Variants in LRRC14 observed in about 807,000 individuals in gnomAD.
LRRC14 encodes leucine-rich repeat-containing protein 14.
Under a neutral mutation model 25.3 loss-of-function variants are expected in LRRC14, and 16 were observed. The ratio of observed to expected loss-of-function variants is 0.63; its 90% CI spans 0.43 to 0.96. The LOEUF is 0.96. LRRC14 is among the 40% of genes least tolerant of loss of function. The probability of loss-of-function intolerance (pLI) is 0.00; values close to 1 mark genes in which losing one functional copy is unlikely to be tolerated. For synonymous variants in LRRC14, 359 were observed against 295.1 expected, an observed-to-expected ratio of 1.22 and a Z score of -2.22; for missense variants, 594 against 660.5, an observed-to-expected ratio of 0.90 and a Z score of 1.10.
At position 144,522,468 on chromosome 8, in the gene LRRC14, C is replaced by T; in HGVS notation, c.*990C>T. 3 of 1,419,470 alleles carry T rather than the reference C, an allele frequency of 2.1e-6. No homozygotes were observed. The highest frequency in any genetic ancestry group is 3.0e-5 in the South Asian group (2 of 66,220). The allele number at this position is 1,419,470 out of a possible 1,614,324, so 87.9% of individuals were successfully genotyped here. ...CCGGCGCCCACGTCATCCGCGCGCC[C>T]GCGGCCCTAGCAGTGGATCTCGTAG... is the stretch of plus-strand genomic sequence containing the variant. On this transcript the variant is annotated 3_prime_UTR_variant, in exon 4 of 4. Coordinates refer to ENST00000292524, the MANE Select transcript of LRRC14 (RefSeq NM_014665.4).
At position 144,523,947 on chromosome 8, in the gene LRRC14, C is replaced by A; in HGVS notation, c.*2469C>A. 1.2e-6 allele frequency: 1 copy of A among 802,100 alleles called. No individual in the cohort carries two copies. Among genetic ancestry groups the A allele is most frequent in the African/African-American group, 1.7e-5 (1 of 58,476 alleles). The allele number at this position is 802,100 out of a possible 1,614,324, so 49.7% of individuals were successfully genotyped here. ...AGGCAGGGTGCCTGAGCTGTATTCC[C>A]CAGCACACCCACTCCCGCAGCCCTC... On this transcript the variant is annotated 3_prime_UTR_variant, in exon 4 of 4. Coordinates refer to ENST00000292524, the MANE Select transcript of LRRC14 (RefSeq NM_014665.4).
In LRRC14 at chr8:144,519,679, T is replaced by C; in HGVS notation, c.-47T>C. 1 of 1,523,132 alleles carries C rather than the reference T, an allele frequency of 6.6e-7. No individual in the cohort carries two copies. Among genetic ancestry groups the C allele is most frequent in the Non-Finnish European group, 8.9e-7 (1 of 1,124,398 alleles). The allele number at this position is 1,523,132 out of a possible 1,614,324, so 94.4% of individuals were successfully genotyped here. On this transcript the variant is annotated 5_prime_UTR_variant, in exon 2 of 4. Coordinates refer to ENST00000292524, the MANE Select transcript of LRRC14 (RefSeq NM_014665.4). Reference sequence around the variant, plus strand: ...GTAGTGGCCTAGGGTCTCTCCTCCCTGCTGAAGTCCCTCTCCTGCAGGTGG... The same window carrying C: ...GTAGTGGCCTAGGGTCTCTCCTCCCCGCTGAAGTCCCTCTCCTGCAGGTGG...
chr8:144,524,459 G>A lies in LRRC14; in HGVS notation c.*2981G>A. Reference sequence around the variant, plus strand: ...CGCTCACCGGCAGGTGCAAGAAGGTGAAATCCAGCAGCCGCGCCAGCTGGT... The same window carrying A: ...CGCTCACCGGCAGGTGCAAGAAGGTAAAATCCAGCAGCCGCGCCAGCTGGT... On this transcript the variant is annotated 3_prime_UTR_variant, in exon 4 of 4. Coordinates refer to ENST00000292524, the MANE Select transcript of LRRC14 (RefSeq NM_014665.4). 2 of 1,597,950 alleles carry A rather than the reference G, an allele frequency of 1.3e-6. No individual in the cohort carries two copies. The highest frequency in any genetic ancestry group is 2.2e-5 in the East Asian group (1 of 44,872).
At position 144,521,730 on chromosome 8, in the gene LRRC14, T is replaced by G; in HGVS notation, c.*252T>G. ...GCTGGATGTCAGGCCTCCATTGCCC[T>G]GCTCAGTTTGGCTGCATTTGGCTGC... On this transcript the variant is annotated 3_prime_UTR_variant, in exon 4 of 4. Coordinates refer to ENST00000292524, the MANE Select transcript of LRRC14 (RefSeq NM_014665.4). 1.9e-6 allele frequency: 1 copy of G among 519,796 alleles called. No homozygotes were observed. The highest frequency in any genetic ancestry group is 3.4e-6 in the Non-Finnish European group (1 of 291,724). 32.2% of individuals were successfully genotyped at this position (519,796 alleles called of 1,614,324 possible).
rs1172906598 is a variant in LRRC14, at chr8:144,519,899, G to C, written c.174G>C (p.Leu58=). The change falls in exon 2 of 4, where the codon CTG becomes CTC. Residue 58 remains leucine (L), a synonymous_variant. Coordinates refer to ENST00000292524, the MANE Select transcript of LRRC14 (RefSeq NM_014665.4). ...TGGTACACACGTGGCCCTTCCCGCT[G>C]CTCAGTTTCCAGCAGCTGCTACAGG... ...RELVHTWPFP[L]LSFQQLLQEC... 1 of 1,613,444 alleles carries C rather than the reference G, an allele frequency of 6.2e-7. No individual in the cohort carries two copies. Among genetic ancestry groups the C allele is most frequent in the South Asian group, 1.1e-5 (1 of 91,088 alleles).
chr8:144,521,621 CA>C lies in LRRC14; in HGVS notation c.*145del. 1.2e-6 allele frequency: 1 copy of C among 800,050 alleles called. No individual in the cohort carries two copies. Among genetic ancestry groups the C allele is most frequent in the Non-Finnish European group, 1.9e-6 (1 of 519,526 alleles). The allele number at this position is 800,050 out of a possible 1,614,324, so 49.6% of individuals were successfully genotyped here. ...GTCTACCTTGCTTCTGGGCACACCT[CA>C]AGCCTCCCCTGCTTTCTGCAGTGCC... is the stretch of plus-strand genomic sequence containing the variant. On this transcript the variant is annotated 3_prime_UTR_variant, in exon 4 of 4. Transcript: ENST00000292524.
chr8:144,519,354 T>G (rs539821215), intron 1 of LRRC14: 1 of 324,808 alleles, frequency 3.1e-6, no homozygotes, highest in African/African-American at 2.1e-5. Context: ...GTGAAGCAGC[T>G]TTGTAATTTG....
In LRRC14 at chr8:144,523,724, C is replaced by G. The variant is rs1275026099; in HGVS notation, c.*2246C>G. 1 of 416,518 alleles carries G rather than the reference C, an allele frequency of 2.4e-6. No individual in the cohort carries two copies. The highest frequency in any genetic ancestry group is 4.0e-5 in the Admixed American group (1 of 24,886). 25.8% of individuals were successfully genotyped at this position (416,518 alleles called of 1,614,324 possible). A position where few individuals can be genotyped will look rare whatever the true frequency, so the allele number is the denominator to read the frequency against. ...CTGTTTTTAGGAACCTGGGCGTCCA[C>G]ATAGACATCTCACCAGCACTGAAAC... On this transcript the variant is annotated 3_prime_UTR_variant, in exon 4 of 4. Transcript: ENST00000292524.
At position 144,522,792 on chromosome 8, in the gene LRRC14, C is replaced by T; in HGVS notation, c.*1314C>T. ...GTGAGCGCCAGCAGCGCGATGGCCG[C>T]CGCAATGGCCGTCTGTGTGGCCACG... On this transcript the variant is annotated 3_prime_UTR_variant, in exon 4 of 4. Coordinates refer to ENST00000292524, the MANE Select transcript of LRRC14 (RefSeq NM_014665.4). 1 of 1,546,138 alleles carries T rather than the reference C, an allele frequency of 6.5e-7. No homozygotes were observed. Among genetic ancestry groups the T allele is most frequent in the Non-Finnish European group, 8.7e-7 (1 of 1,150,730 alleles).
chr8:144,522,497 A>C lies in LRRC14; in HGVS notation c.*1019A>C. The C allele has an allele frequency of 6.7e-7, 1 of 1,497,054 alleles. No individual in the cohort carries two copies. Among genetic ancestry groups the C allele is most frequent in the East Asian group, 2.7e-5 (1 of 36,474 alleles). 92.7% of individuals were successfully genotyped at this position (1,497,054 alleles called of 1,614,324 possible). On this transcript the variant is annotated 3_prime_UTR_variant, in exon 4 of 4. Transcript: ENST00000292524. ...GCCCTAGCAGTGGATCTCGTAGGCGACCGGCGGGGGCACGCGGAGTCCCGG... is the reference window on the plus strand; with the variant it reads ...GCCCTAGCAGTGGATCTCGTAGGCGCCCGGCGGGGGCACGCGGAGTCCCGG...
Position 144,524,773 on chromosome 8 carries a change from C to G in LRRC14, c.*3295C>G. On this transcript the variant is annotated 3_prime_UTR_variant, in exon 4 of 4. Coordinates refer to ENST00000292524, the MANE Select transcript of LRRC14 (RefSeq NM_014665.4). The stretch of plus-strand genomic sequence containing the variant: ...ACCCCGTTGCGGGGGTCTTCCTCTC[C>G]CTGGGGGCACCCCGTCCTCCCGCAG... The G allele has an allele frequency of 7.0e-7, 1 of 1,435,890 alleles. No individual in the cohort carries two copies. Among genetic ancestry groups the G allele is most frequent in the Non-Finnish European group, 9.1e-7 (1 of 1,099,784 alleles). The allele number at this position is 1,435,890 out of a possible 1,614,324, so 88.9% of individuals were successfully genotyped here.
In LRRC14 at chr8:144,522,349, C is replaced by G; in HGVS notation, c.*871C>G. The G allele has an allele frequency of 1.5e-6, 2 of 1,307,186 alleles. No homozygotes were observed. Among genetic ancestry groups the G allele is most frequent in the Non-Finnish European group, 2.0e-6 (2 of 1,023,608 alleles). 81.0% of individuals were successfully genotyped at this position (1,307,186 alleles called of 1,614,324 possible). On this transcript the variant is annotated 3_prime_UTR_variant, in exon 4 of 4. Transcript: ENST00000292524. Reference sequence around the variant, plus strand: ...GCTACCCCAGGATTCCCGAGTGCAACGTTCCCGGCTCGCGCCCCACACACG... The same window carrying G: ...GCTACCCCAGGATTCCCGAGTGCAAGGTTCCCGGCTCGCGCCCCACACACG...
In LRRC14 at chr8:144,519,961, G is replaced by T. The variant is rs755503759; in HGVS notation, c.236G>T (p.Arg79Leu). The change falls in exon 2 of 4, where the codon CGG becomes CTG. Residue 79 changes from arginine (R) to leucine (L), a missense_variant. By Grantham distance (102) the Arg-to-Leu change is moderately radical. Transcript: ENST00000292524. ...TGCAGCCGTGCCCTCCTGCAGGAGC[G>T]GCCTAGCACTGAGAGCATGCAGGCT... ...AHCSRALLQE[R>L]PSTESMQAVI... The T allele has an allele frequency of 1.3e-5, 21 of 1,612,964 alleles. No homozygotes were observed. The highest frequency in any genetic ancestry group is 1.7e-5 in the Non-Finnish European group (20 of 1,180,034).
chr8:144,524,390 G>A lies in LRRC14; in HGVS notation c.*2912G>A. The A allele has an allele frequency of 6.3e-7, 1 of 1,594,392 alleles. No individual in the cohort carries two copies. The highest frequency in any genetic ancestry group is 1.1e-5 in the South Asian group (1 of 90,916). On this transcript the variant is annotated 3_prime_UTR_variant, in exon 4 of 4. Transcript: ENST00000292524. ...TTTTCTAACTATTCCAGCCCTACAG[G>A]GCGAGGGGCCATAATGGAGTATCCC...
chr8:144,524,640 TAGAGCCGGCGCA>T lies in LRRC14; in HGVS notation c.*3163_*3174del. ...GGCGCGCAGGCTGTTGTTGTGCAGG[TAGAGCCGGCGCA>T]GAGCGGCGAGTGGCGCCAGGGCTCC... On this transcript the variant is annotated 3_prime_UTR_variant, in exon 4 of 4. Transcript: ENST00000292524. 1 of 1,515,730 alleles carries T rather than the reference TAGAGCCGGCGCA, an allele frequency of 6.6e-7. No individual in the cohort carries two copies. Among genetic ancestry groups the T allele is most frequent in the Non-Finnish European group, 8.8e-7 (1 of 1,140,424 alleles). 93.9% of individuals were successfully genotyped at this position (1,515,730 alleles called of 1,614,324 possible).
chr8:144,524,411 A>C lies in LRRC14; in HGVS notation c.*2933A>C. The C allele has an allele frequency of 6.3e-7, 1 of 1,596,916 alleles. No individual in the cohort carries two copies. The highest frequency in any genetic ancestry group is 8.5e-7 in the Non-Finnish European group (1 of 1,179,232). On this transcript the variant is annotated 3_prime_UTR_variant, in exon 4 of 4. Transcript: ENST00000292524. ...ACAGGGCGAGGGGCCATAATGGAGT[A>C]TCCCGCCCCTTTAGACCCCAGGCGC... is the stretch of plus-strand genomic sequence containing the variant.
Position 144,521,710 on chromosome 8 carries a change from A to G in LRRC14, c.*232A>G, listed in dbSNP as rs745645581. 64 of 561,612 alleles carry G rather than the reference A, an allele frequency of 1.1e-4. No homozygotes were observed. The highest frequency in any genetic ancestry group is 1.7e-4 in the Non-Finnish European group (55 of 315,746). 34.8% of individuals were successfully genotyped at this position (561,612 alleles called of 1,614,324 possible). On this transcript the variant is annotated 3_prime_UTR_variant, in exon 4 of 4. Transcript: ENST00000292524. ...GATCATCTGTGGGCCCCGGGGCTGGATGTCAGGCCTCCATTGCCCTGCTCA... is the reference window on the plus strand; with the variant it reads ...GATCATCTGTGGGCCCCGGGGCTGGGTGTCAGGCCTCCATTGCCCTGCTCA...
In LRRC14 at chr8:144,524,644, G is replaced by T; in HGVS notation, c.*3166G>T. On this transcript the variant is annotated 3_prime_UTR_variant, in exon 4 of 4. Coordinates refer to ENST00000292524, the MANE Select transcript of LRRC14 (RefSeq NM_014665.4). ...CGCAGGCTGTTGTTGTGCAGGTAGA[G>T]CCGGCGCAGAGCGGCGAGTGGCGCC... 6.6e-7 allele frequency: 1 copy of T among 1,512,236 alleles called. No individual in the cohort carries two copies. The allele number at this position is 1,512,236 out of a possible 1,614,324, so 93.7% of individuals were successfully genotyped here.
rs375682271 is a variant in LRRC14, at chr8:144,521,322, G to A, written c.1326G>A (p.Pro442=). The A allele has an allele frequency of 1.4e-5, 22 of 1,611,820 alleles. No homozygotes were observed. In the East Asian group the frequency reaches 3.8e-4, roughly 28 times the overall value. ...VDCYEGLPWP[P]PASVLLEASI... Reference sequence around the variant, plus strand: ...GCTATGAGGGCTTGCCCTGGCCGCCGCCTGCCTCTGTCCTGCTGGAGGCCT... The same window carrying A: ...GCTATGAGGGCTTGCCCTGGCCGCCACCTGCCTCTGTCCTGCTGGAGGCCT... The change falls in exon 4 of 4, where the codon CCG becomes CCA. Residue 442 remains proline, a synonymous_variant. Transcript: ENST00000292524.
Sources: gnomAD v4.1 joint callset for allele counts on GRCh38, gnomAD v4.1.1 for gene constraint, MANE v1.5 for transcripts, NCBI Gene and HGNC (gene_info 2026-07-23, HGNC 2026-07-21) for gene names.